Variants in GNAS observed in about 807,000 individuals in gnomAD.
The protein encoded by GNAS is GNAS complex locus, also known as protein ALEX.
A neutral mutation model predicts 54.5 loss-of-function variants in GNAS; 8 were observed. The ratio of observed to expected loss-of-function variants is 0.15; its 90% CI spans 0.09 to 0.26. The LOEUF (loss-of-function observed/expected upper bound fraction) is 0.26, where lower values mean the gene tolerates loss of function less well. GNAS is among the 10% of genes least tolerant of loss of function. The probability of loss-of-function intolerance (pLI) is 1.00; values close to 1 mark genes in which losing one functional copy is unlikely to be tolerated. For missense variants in GNAS, 170 were observed against 529.8 expected (o/e 0.32, Z 6.67); for synonymous variants, 204 against 191.4 (o/e 1.07, Z -0.54).
Position 58,853,513 on chromosome 20 carries a change from C to A in GNAS, c.43+12627C>A, listed in dbSNP as rs780574000. 2 of 1,613,260 alleles carry A rather than the reference C, an allele frequency of 1.2e-6. No homozygotes were observed. On this transcript the variant is annotated intron_variant, in intron 1 of 12. Transcript: ENST00000306090. The surrounding 1 kb of genome is among the most constrained non-coding windows in gnomAD (Gnocchi z 4.4). ...AGACCCAACTTTCAGGTCCTCAACCCGGCATTCAGGGAAGCTGGAGCCCAT... is the reference window on the plus strand; with the variant it reads ...AGACCCAACTTTCAGGTCCTCAACCAGGCATTCAGGGAAGCTGGAGCCCAT...
intron 3 of GNAS, among the ~76,000 whole-genome samples, chr20:58,899,254 A>C (rs980513366): frequency 3.3e-5 from 5 of 152,222 alleles, no homozygotes; most frequent in African/African-American, 1.2e-4. Context: ...TGATCAGTTT[A>C]GGATTTTGAG....
At position 58,909,841 on chromosome 20, in the gene GNAS, A is replaced by C; in HGVS notation, c.839+37A>C. The C allele has an allele frequency of 6.2e-7, 1 of 1,612,960 alleles. No homozygotes were observed. ...GACCGCCCACCCCCTGCGCTTGCCCAGGAGGCCCTGGTCTGCACTGTTTAT... is the reference window on the plus strand; with the variant it reads ...GACCGCCCACCCCCTGCGCTTGCCCCGGAGGCCCTGGTCTGCACTGTTTAT... On this transcript the variant is annotated intron_variant, in intron 10 of 12. Coordinates refer to ENST00000371085, the MANE Select transcript of GNAS (RefSeq NM_000516.7). The surrounding 1 kb of genome is among the most constrained non-coding windows in gnomAD (Gnocchi z 7.3).
chr20:58,853,626 C>G lies in GNAS; in HGVS notation c.43+12740C>G. On this transcript the variant is annotated intron_variant, in intron 1 of 12. Transcript: ENST00000306090. The surrounding 1 kb of genome is among the most constrained non-coding windows in gnomAD (Gnocchi z 4.4). ...AGGCTTCTGGCCTACACTGGAGCAGCCTGGATTCCCCAGTGGGGTCCATGC... is the reference window on the plus strand; with the variant it reads ...AGGCTTCTGGCCTACACTGGAGCAGGCTGGATTCCCCAGTGGGGTCCATGC... 6.2e-7 allele frequency: 1 copy of G among 1,613,432 alleles called. No homozygotes were observed. The highest frequency in any genetic ancestry group is 8.5e-7 in the Non-Finnish European group (1 of 1,179,876).
Position 58,863,108 on chromosome 20 carries a change from T to C in GNAS, c.43+22222T>C, listed in dbSNP as rs554470282. On this transcript the variant is annotated intron_variant, in intron 1 of 12. Coordinates refer to the GNAS transcript ENST00000306090. This position sits in a 1 kb window ranked among gnomAD's most constrained non-coding sequence, Gnocchi z 4.1. The stretch of plus-strand genomic sequence containing the variant: ...ACAACACAACAAAACAATGTTTGAC[T>C]TTTCATTATGTTGATCGTCACATGC... Among the ~76,000 whole-genome samples the C allele has an allele frequency of 1.5e-4, 23 of 152,296 alleles. No homozygotes were observed. The South Asian group carries it at 3.5e-3, about 23-fold the overall frequency.
At chr20:58,881,870 CTAA>C (rs1448915266) in intron 1 of GNAS, 1 of 152,204 alleles carries the variant, frequency 6.6e-6, no homozygotes, top group East Asian at 1.9e-4. Context: ...GCCACTTTCT[CTAA>C]TAATACCAAT....
chr20:58,843,973 C>T (rs2085843150), intron 1 of GNAS: 1 of 152,224 alleles, frequency 6.6e-6, no homozygotes, highest in South Asian at 2.1e-4. Context: ...CACTGCAAGC[C>T]TTTCTCACCC....
intron 1 of GNAS, among the ~76,000 whole-genome samples, chr20:58,874,470 T>C (rs760492948): frequency 6.6e-6 from 1 of 152,268 alleles, no homozygotes; most frequent in Non-Finnish European, 1.5e-5. Context: ...TGGGAAAGTG[T>C]AGTTTGCAGC....
At chr20:58,840,133 G>A (rs1274269300), upstream of GNAS, 92 of 1,611,450 alleles carry the variant, frequency 5.7e-5, no homozygotes, top group Non-Finnish European at 7.5e-5. This position sits in a 1 kb window ranked among gnomAD's most constrained non-coding sequence, Gnocchi z 6.0. Context: ...GGGCTCAGCA[G>A]TGGCGCCGAG....
upstream of GNAS, chr20:58,840,560 C>G: frequency 6.2e-7 from 1 of 1,613,194 alleles, no homozygotes; most frequent in Non-Finnish European, 8.5e-7. This position sits in a 1 kb window ranked among gnomAD's most constrained non-coding sequence, Gnocchi z 6.0. Flanking sequence ...GGTGCCCAAG[C>G]ACTCCACCTT....
intron 1 of GNAS, among the ~76,000 whole-genome samples, chr20:58,882,204 G>T (rs2088272938): frequency 6.6e-6 from 1 of 152,150 alleles, no homozygotes; most frequent in Non-Finnish European, 1.5e-5. Context: ...GAGTAGCTGG[G>T]ACTACAGGCG....
At position 58,898,956 on chromosome 20, in the gene GNAS, C is replaced by T; in HGVS notation, c.228C>T (p.Asp76=). ...NGFNGEGGEE[D]PQAARSNSDG... is the part of the protein sequence containing the mutation. ...TCTTTAAAAGGGGCGGCGAAGAGGA[C>T]CCGCAGGCTGCAAGGAGCAACAGCG... Residue 76 remains aspartate (D), a synonymous_variant, in exon 3 of 13, where the codon GAC becomes GAT. Transcript: ENST00000371085. The T allele has an allele frequency of 6.2e-7, 1 of 1,613,828 alleles. No homozygotes were observed. Among genetic ancestry groups the T allele is most frequent in the Non-Finnish European group, 8.5e-7 (1 of 1,179,750 alleles).
In GNAS at chr20:58,854,199, G is replaced by A. The variant is rs1568925689; in HGVS notation, c.43+13313G>A. The A allele has an allele frequency of 6.2e-7, 1 of 1,613,142 alleles. No individual in the cohort carries two copies. The highest frequency in any genetic ancestry group is 2.2e-5 in the East Asian group (1 of 44,856). On this transcript the variant is annotated intron_variant, in intron 1 of 12. Coordinates refer to the GNAS transcript ENST00000306090. ...GATCTCCGGACCCCCGTTCGAGATT[G>A]GCAGCGCCCCCGCTGGGGTCGACGA...
At chr20:58,879,226 A>G (rs2088056687) in intron 1 of GNAS, among the ~76,000 whole-genome samples, 2 of 152,250 alleles carry the variant, frequency 1.3e-5, no homozygotes, top group Admixed American at 1.3e-4. Flanking sequence ...ACAGAGCACT[A>G]AAAAGCAAGC....
chr20:58,879,408 T>C (rs994544840), intron 1 of GNAS, among the ~76,000 whole-genome samples: 2 of 152,244 alleles, frequency 1.3e-5, no homozygotes, highest in African/African-American at 2.4e-5. Flanking sequence ...CTACTATTCA[T>C]TGCCTGCAGA....
At chr20:58,871,830 C>T (rs764088286) in intron 1 of GNAS, among the ~76,000 whole-genome samples, 3 of 152,068 alleles carry the variant, frequency 2.0e-5, no homozygotes, top group Non-Finnish European at 2.9e-5. Context: ...CAAATGGGGT[C>T]CTTGCCCTCT....
At chr20:58,874,568 G>A (rs1453857451) in intron 1 of GNAS, among the ~76,000 whole-genome samples, 2 of 151,878 alleles carry the variant, frequency 1.3e-5, no homozygotes, top group Non-Finnish European at 2.9e-5. Context: ...TCTTGGGCTG[G>A]CCCCCGTCTT....
In GNAS at chr20:58,841,440, C is replaced by A. The variant is rs1244274861; in HGVS notation, c.43+554C>A. On this transcript the variant is annotated intron_variant, in intron 1 of 12. Transcript: ENST00000306090. The surrounding 1 kb of genome is among the most constrained non-coding windows in gnomAD (Gnocchi z 5.0). ...GACTGACCACCCGGGAGGGAAGTCACGCGCGCGCGGCGCCTAAGCAGCTCA... is the reference window on the plus strand; with the variant it reads ...GACTGACCACCCGGGAGGGAAGTCAAGCGCGCGCGGCGCCTAAGCAGCTCA... 7.1e-6 allele frequency: 7 copies of A among 990,752 alleles called. No individual in the cohort carries two copies. Among genetic ancestry groups the A allele is most frequent in the Non-Finnish European group, 8.4e-6 (7 of 833,456 alleles). The allele number at this position is 990,752 out of a possible 1,614,324, so 61.4% of individuals were successfully genotyped here.
intron 2 of GNAS, 144 bp downstream of exon 2, chr20:58,895,828 A>AAG (rs768242710): frequency 2.9e-4 from 200 of 679,984 alleles, no homozygotes; most frequent in Admixed American, 6.8e-4. Context: ...AAATCCTGGG[A>AAG]AGGGCTCTTT....
rs78304979 is a variant in GNAS at position 58,858,510 on chromosome 20, G to A, written c.43+17624G>A. 9.8e-3 allele frequency among the ~76,000 whole-genome samples: 1,494 copies of A among 152,144 alleles called. 23 individuals are homozygous for A. The highest frequency in any genetic ancestry group is 0.033 in the African/African-American group (1,373 of 41,502). On this transcript the variant is annotated intron_variant, in intron 1 of 12. Coordinates refer to the GNAS transcript ENST00000306090. ...TAGACTGTTTCCATGTTTCTGTTAC[G>A]TTTTTAAATAATTTTGGTGGCTTAA...
Sources: gnomAD v4.1 joint callset for allele counts (sites outside exome capture counted in the v4.1 genomes callset) on GRCh38, gnomAD v4.1.1 for gene constraint, Gnocchi (gnomAD v3.1) non-coding constraint, MANE v1.5 for transcripts, NCBI Gene and HGNC (gene_info 2026-07-23, HGNC 2026-07-21) for gene names.